The following SAV1 variants were observed in gnomAD, a reference collection of about 807,000 sequenced individuals.
SAV1 encodes salvador family WW domain containing protein 1, also known as protein salvador homolog 1.
A neutral mutation model predicts 47.3 loss-of-function variants in SAV1; 23 were observed. That is an observed-to-expected ratio of 0.49 (90% CI 0.35 to 0.69). The LOEUF is 0.69. Among genes scored for constraint, SAV1 ranks in the 30% least tolerant of loss-of-function variants. The pLI, the probability that SAV1 is intolerant of heterozygous loss-of-function variation, is 0.01. For missense variants in SAV1, 448 were observed against 457.4 expected (o/e 0.98, Z 0.19); for synonymous variants, 155 against 159.2 (o/e 0.97, Z 0.20).
rs866781402 is a variant in SAV1, at chr14:50,640,892, C to T, written c.808G>A (p.Val270Ile). 3.1e-6 allele frequency: 5 copies of T among 1,600,380 alleles called. No homozygotes were observed. The highest frequency in any genetic ancestry group is 3.3e-4 in the Middle Eastern group (2 of 5,996). Residue 270 changes from valine to isoleucine, a missense_variant and splice_region_variant, in exon 4 of 5, where the codon GTA (valine) becomes ATA (isoleucine). Transcript: ENST00000324679. Reference protein sequence around the residue: ...AQYRHPCAPSVPRYDQPPPVT... With the variant: ...AQYRHPCAPSIPRYDQPPPVT... ...GGAGGTGGTTGATCATACCGAGGTA[C>T]ACTAAGAAGAAAGGAGTGACATTCT... is the stretch of plus-strand genomic sequence containing the variant.
chr14:50,667,233 G>T (rs1419222515), intron 1 of SAV1: 3 of 223,830 alleles, frequency 1.3e-5, no homozygotes, highest in African/African-American at 2.3e-5. Flanking sequence ...CGAGGGGGGG[G>T]TTCTCTAATA....
intron 2 of SAV1, among the ~76,000 whole-genome samples, chr14:50,657,550 T>C (rs1202983713): frequency 6.6e-6 from 1 of 152,224 alleles, no homozygotes; most frequent in Admixed American, 6.5e-5. Flanking sequence ...TCAATTGTTA[T>C]TTATTCTTTA....
chr14:50,647,316 G>T (rs929120761), intron 2 of SAV1, among the ~76,000 whole-genome samples: 11 of 152,128 alleles, frequency 7.2e-5, no homozygotes, highest in Admixed American at 5.2e-4. Context: ...TGTAAACAGG[G>T]AGAAAATGTT....
At chr14:50,664,591 T>C (rs1332183092) in intron 2 of SAV1, 1 of 152,248 alleles carries the variant, frequency 6.6e-6, no homozygotes, top group Non-Finnish European at 1.5e-5. Flanking sequence ...TGGTAATTTT[T>C]TTTGTCTGTT....
chr14:50,643,985 CT>C (rs1268837259), intron 3 of SAV1, among the ~76,000 whole-genome samples: 1 of 152,224 alleles, frequency 6.6e-6, no homozygotes, highest in African/African-American at 2.4e-5. Context: ...CATTTTTAAT[CT>C]TGTGGCTCAG....
intron 2 of SAV1, among the ~76,000 whole-genome samples, chr14:50,659,138 G>T (rs2039837994): frequency 7.2e-6 from 1 of 139,246 alleles, no homozygotes. Context: ...TCAACTACCT[G>T]CAACCTTCTT....
chr14:50,640,012 C>T (rs1346907288), intron 4 of SAV1, among the ~76,000 whole-genome samples: 1 of 152,188 alleles, frequency 6.6e-6, no homozygotes, highest in Non-Finnish European at 1.5e-5. Context: ...CAGGGTCTCT[C>T]ATGCTCTGTC....
intron 1 of SAV1, chr14:50,667,302 G>A: frequency 5.9e-6 from 2 of 337,578 alleles, no homozygotes; most frequent in Middle Eastern, 4.0e-4. Context: ...CAAATACAAA[G>A]GCTTTTGGCT....
intron 2 of SAV1, among the ~76,000 whole-genome samples, chr14:50,659,110 C>T (rs1450872124): frequency 1.4e-5 from 2 of 138,420 alleles, no homozygotes; most frequent in Non-Finnish European, 3.0e-5. Flanking sequence ...GGAGAGATAC[C>T]TTATTACCTG....
chr14:50,635,166 A>C lies in SAV1; in HGVS notation c.*17T>G, dbSNP rs746803063. On this transcript the variant is annotated 3_prime_UTR_variant, in exon 5 of 5. Coordinates refer to ENST00000324679, the MANE Select transcript of SAV1 (RefSeq NM_021818.4). ...ATTTTAAAGCTCTTACAAAACTTAA[A>C]TTTTTAAAAAATCAGCTCAAAAATT... 5 of 1,607,504 alleles carry C rather than the reference A, an allele frequency of 3.1e-6. No homozygotes were observed. In the South Asian group the frequency reaches 5.5e-5, roughly 18 times the overall value.
Position 50,667,875 on chromosome 14 carries a change from C to A in SAV1, c.93G>T (p.Arg31=), listed in dbSNP as rs1254929468. The change falls in exon 1 of 5, where the codon CGG becomes CGT. Residue 31 remains arginine (R), a splice_region_variant and synonymous_variant. Transcript: ENST00000324679. ...GGGCACGCCCCGCCTGACACTCACT[C>A]CGAAGCAGAGGCGACGTCTCCTTCT... ...YVKKETSPLL[R]NLMPSFIRHG... 2 of 1,613,006 alleles carry A rather than the reference C, an allele frequency of 1.2e-6. No individual in the cohort carries two copies. The highest frequency in any genetic ancestry group is 1.3e-5 in the African/African-American group (1 of 74,920).
chr14:50,640,158 A>T (rs1476919997), intron 4 of SAV1, among the ~76,000 whole-genome samples: 2 of 152,092 alleles, frequency 1.3e-5, no homozygotes, highest in African/African-American at 4.8e-5. Flanking sequence ...TAATTTTTAA[A>T]TTTTTTATAG....
At chr14:50,661,996 T>TGAAA (rs2039864027) in intron 2 of SAV1, among the ~76,000 whole-genome samples, 2 of 152,196 alleles carry the variant, frequency 1.3e-5, no homozygotes, top group African/African-American at 4.8e-5. Flanking sequence ...TTTATTTCTG[T>TGAAA]GAAAAATGAC....
At chr14:50,666,555 CAACAA>C (rs1260399060) in intron 1 of SAV1, among the ~76,000 whole-genome samples, 3 of 152,078 alleles carry the variant, frequency 2.0e-5, no homozygotes, top group Middle Eastern at 3.2e-3. Context: ...GATGTAACGA[CAACAA>C]AACAAAGTAG....
At chr14:50,647,037 A>T (rs1158128319) in intron 2 of SAV1, among the ~76,000 whole-genome samples, 1 of 152,224 alleles carries the variant, frequency 6.6e-6, no homozygotes, top group African/African-American at 2.4e-5. Context: ...CAACAACTGG[A>T]CATCCATATG....
chr14:50,660,409 T>C (rs113195144), intron 2 of SAV1, among the ~76,000 whole-genome samples: 1 of 152,236 alleles, frequency 6.6e-6, no homozygotes. Context: ...CTTTACAGTA[T>C]CTGCTGTCTC....
intron 3 of SAV1, among the ~76,000 whole-genome samples, chr14:50,643,304 A>C (rs2039695049): frequency 6.6e-6 from 1 of 152,228 alleles, no homozygotes; most frequent in Non-Finnish European, 1.5e-5. Context: ...GTAATTTATA[A>C]AGAAAAGAGG....
chr14:50,647,409 G>A (rs2039731237), intron 2 of SAV1, among the ~76,000 whole-genome samples: 1 of 152,036 alleles, frequency 6.6e-6, no homozygotes, highest in African/African-American at 2.4e-5. Flanking sequence ...AAACAACCCT[G>A]AGCCTGCTGC....
chr14:50,644,860 A>G lies in SAV1; in HGVS notation c.690T>C (p.Pro230=). The G allele has an allele frequency of 6.2e-7, 1 of 1,614,170 alleles. No individual in the cohort carries two copies. The highest frequency in any genetic ancestry group is 8.5e-7 in the Non-Finnish European group (1 of 1,180,018). Residue 230 remains proline, a synonymous_variant, in exon 3 of 5, where the codon CCT becomes CCC. Transcript: ENST00000324679. ...CAGGAGGAAGTCCTTCTCGCTCAAGAGGATGGCTCCAGTGAGTTGTATTTG... is the reference window on the plus strand; with the variant it reads ...CAGGAGGAAGTCCTTCTCGCTCAAGGGGATGGCTCCAGTGAGTTGTATTTG... The part of the protein sequence containing the change: ...HNTNTTHWSH[P]LEREGLPPGW...
Sources: allele counts gnomAD v4.1 joint callset (sites outside exome capture counted in the v4.1 genomes callset), GRCh38; gene constraint gnomAD v4.1.1; transcripts MANE v1.5; gene names NCBI Gene and HGNC (gene_info 2026-07-23, HGNC 2026-07-21).